Variants in CDK5RAP2 observed in about 807,000 individuals in gnomAD.
CDK5RAP2 encodes the protein CDK5 regulatory subunit associated protein 2, also known as CDK5 regulatory subunit-associated protein 2.
Under a neutral mutation model 232.9 loss-of-function variants are expected in CDK5RAP2, and 147 were observed. The observed-to-expected ratio is 0.63, with a 90% CI of 0.55 to 0.72. The LOEUF is 0.72. Among genes scored for constraint, CDK5RAP2 ranks in the 30% least tolerant of loss-of-function variants. The pLI is 0.00. For missense variants in CDK5RAP2, 2,195 were observed against 2,231.5 expected, an observed-to-expected ratio of 0.98 and a Z score of 0.33; for synonymous variants, 833 against 833.7, an observed-to-expected ratio of 1.00 and a Z score of 0.01.
intron 35 of CDK5RAP2, among the ~76,000 whole-genome samples, chr9:120,397,091 G>C (rs2032532609): frequency 6.6e-6 from 1 of 152,252 alleles, no homozygotes; most frequent in Admixed American, 6.5e-5. Flanking sequence ...GGGCCACAGA[G>C]CTGCAGTGCT....
chr9:120,470,253 G>T (rs199940917), intron 16 of CDK5RAP2, 33 bp from the exon 17 acceptor site: 7 of 1,056,436 alleles, frequency 6.6e-6, no homozygotes, highest in South Asian at 5.8e-5. Context: ...AGGTGGGGAG[G>T]GGGAGGAGAA....
chr9:120,421,834 G>A (rs944352953), intron 26 of CDK5RAP2, among the ~76,000 whole-genome samples: 2 of 152,238 alleles, frequency 1.3e-5, no homozygotes, highest in African/African-American at 2.4e-5. Flanking sequence ...AACAGGAAGA[G>A]GACATGCATT....
intron 17 of CDK5RAP2, among the ~76,000 whole-genome samples, chr9:120,469,618 G>T (rs1160731955): frequency 6.6e-6 from 1 of 152,130 alleles, no homozygotes; most frequent in Admixed American, 6.5e-5. Flanking sequence ...TTTAAAAAAA[G>T]ATTTATTGAT....
intron 12 of CDK5RAP2, among the ~76,000 whole-genome samples, chr9:120,512,111 G>A (rs2040121298): frequency 6.6e-6 from 1 of 152,170 alleles, no homozygotes; most frequent in Non-Finnish European, 1.5e-5. Context: ...CACTTTGGGA[G>A]GCCAAGGTAG....
intron 1 of CDK5RAP2, among the ~76,000 whole-genome samples, chr9:120,575,922 C>A (rs2043016271): frequency 6.6e-6 from 1 of 152,146 alleles, no homozygotes; most frequent in East Asian, 1.9e-4. Context: ...ATAGATATGC[C>A]TCAAAGTTTT....
At chr9:120,431,080 G>A (rs1290993178) in intron 25 of CDK5RAP2, among the ~76,000 whole-genome samples, 2 of 152,172 alleles carry the variant, frequency 1.3e-5, no homozygotes, top group Admixed American at 1.3e-4. Flanking sequence ...CGTGGACACA[G>A]GAAAGGGAAC....
chr9:120,494,815 AG>A (rs2039085797), intron 12 of CDK5RAP2, among the ~76,000 whole-genome samples: 1 of 147,830 alleles, frequency 6.8e-6, no homozygotes, highest in Non-Finnish European at 1.5e-5. Context: ...TCGGTGGCTT[AG>A]GGAGCCCGTC....
At chr9:120,478,888 G>A (rs559800081) in intron 14 of CDK5RAP2, among the ~76,000 whole-genome samples, 2 of 152,248 alleles carry the variant, frequency 1.3e-5, no homozygotes, top group East Asian at 3.9e-4. Flanking sequence ...TGAGATGATC[G>A]ATATGCCAAT....
chr9:120,465,928 T>C (rs1326494262), intron 18 of CDK5RAP2, among the ~76,000 whole-genome samples: 1 of 152,198 alleles, frequency 6.6e-6, no homozygotes, highest in African/African-American at 2.4e-5. Flanking sequence ...TGCATCCACA[T>C]GTTCATACAC....
chr9:120,539,621 G>A (rs761842823), intron 5 of CDK5RAP2, among the ~76,000 whole-genome samples: 1 of 152,074 alleles, frequency 6.6e-6, no homozygotes, highest in Admixed American at 6.5e-5. Context: ...TGTATCTGAC[G>A]ATACTCAAAG....
rs141534162 is a variant in CDK5RAP2 at position 120,389,764 on chromosome 9, G to A, written c.5602C>T (p.Arg1868Trp). The change falls in exon 37 of 38, where the codon CGG becomes TGG. Residue 1868 changes from arginine (R) to tryptophan (W), a missense_variant. Physicochemically the swap from Arg to Trp is moderately radical, Grantham distance 101. Transcript: ENST00000349780. ...DQLVVTHKILRKARGNLELRP... is the reference protein window; with the variant it reads ...DQLVVTHKILWKARGNLELRP... ...ACCTCCAGGTTTCCTCTGGCCTTCCGAAGGATTTTGTGGGTTACGACCACT... is the reference window on the plus strand; with the variant it reads ...ACCTCCAGGTTTCCTCTGGCCTTCCAAAGGATTTTGTGGGTTACGACCACT... 7.7e-5 allele frequency: 125 copies of A among 1,614,004 alleles called. No homozygotes were observed. The highest frequency in any genetic ancestry group is 9.8e-5 in the Non-Finnish European group (116 of 1,179,986).
At chr9:120,504,657 T>A (rs1564309558) in intron 12 of CDK5RAP2, among the ~76,000 whole-genome samples, 1 of 152,180 alleles carries the variant, frequency 6.6e-6, no homozygotes. Flanking sequence ...CTTCATTGAC[T>A]CCAAGTTAAC....
chr9:120,399,087 A>T (rs2032762389), intron 35 of CDK5RAP2, among the ~76,000 whole-genome samples: 1 of 152,204 alleles, frequency 6.6e-6, no homozygotes, highest in Non-Finnish European at 1.5e-5. Context: ...ATGACATCAG[A>T]GTGAGCATAA....
In CDK5RAP2 at chr9:120,430,925, G is replaced by T. The variant is rs1014098626; in HGVS notation, c.3955+6370C>A. 6.3e-3 allele frequency among the ~76,000 whole-genome samples: 955 copies of T among 152,138 alleles called. 2 individuals carry two copies. The highest frequency in any genetic ancestry group is 0.012 in the South Asian group (60 of 4,816). ...GGCACATATACACCATGGAATACTAGGCAGCCATAAAAAATGATGAGTTCA... is the reference window on the plus strand; with the variant it reads ...GGCACATATACACCATGGAATACTATGCAGCCATAAAAAATGATGAGTTCA... On this transcript the variant is annotated intron_variant, in intron 25 of 37. Coordinates refer to ENST00000349780, the MANE Select transcript of CDK5RAP2 (RefSeq NM_018249.6).
At chr9:120,416,162 C>G (rs2034205367) in intron 27 of CDK5RAP2, among the ~76,000 whole-genome samples, 1 of 152,192 alleles carries the variant, frequency 6.6e-6, no homozygotes, top group Admixed American at 6.5e-5. Context: ...CGGGCGTCCT[C>G]TAATTCAGTT....
At chr9:120,490,267 G>A (rs2038832913) in intron 13 of CDK5RAP2, among the ~76,000 whole-genome samples, 1 of 152,200 alleles carries the variant, frequency 6.6e-6, no homozygotes, top group African/African-American at 2.4e-5. Flanking sequence ...TTTTGCTGGA[G>A]GACCCCCAAT....
Position 120,545,714 on chromosome 9 carries a change from G to C in CDK5RAP2, c.383C>G (p.Ser128Cys), listed in dbSNP as rs758009123. The change falls in exon 5 of 38, where the codon TCC becomes TGC. Residue 128 changes from serine to cysteine, a missense_variant and splice_region_variant. By Grantham distance (112) the Ser-to-Cys change is moderately radical. Coordinates refer to ENST00000349780, the MANE Select transcript of CDK5RAP2 (RefSeq NM_018249.6). ...GCTTTCAACGGATGATGGTACTCACGAGGCTTTGATGAGCAGCTGCTCTCT... is the reference window on the plus strand; with the variant it reads ...GCTTTCAACGGATGATGGTACTCACCAGGCTTTGATGAGCAGCTGCTCTCT... ...QEREQLLIKASKAVESLAEAG... is the reference protein window; with the variant it reads ...QEREQLLIKACKAVESLAEAG... 33 of 1,612,524 alleles carry C rather than the reference G, an allele frequency of 2.0e-5. No homozygotes were observed. The highest frequency in any genetic ancestry group is 1.8e-4 in the East Asian group (8 of 44,882).
chr9:120,491,338 T>A lies in CDK5RAP2; in HGVS notation c.1451A>T (p.Glu484Val). The A allele has an allele frequency of 6.2e-7, 1 of 1,613,734 alleles. No homozygotes were observed. Among genetic ancestry groups the A allele is most frequent in the Non-Finnish European group, 8.5e-7 (1 of 1,179,800 alleles). Residue 484 changes from glutamate to valine, a missense_variant, in exon 13 of 38, where the codon GAA becomes GTA. Transcript: ENST00000349780. Reference sequence around the variant, plus strand: ...CAACACGTCCTTCTGATTGGTACTTTCTGTTAGATGTTTGATCACTTGCTC... The same window carrying A: ...CAACACGTCCTTCTGATTGGTACTTACTGTTAGATGTTTGATCACTTGCTC... Reference protein sequence around the residue: ...NQEQVIKHLTESTNQKDVLLQ... With the variant: ...NQEQVIKHLTVSTNQKDVLLQ...
chr9:120,528,848 T>C, intron 8 of CDK5RAP2, 51 bp from the exon 9 acceptor site: 1 of 1,279,050 alleles, frequency 7.8e-7, no homozygotes, highest in Non-Finnish European at 1.1e-6. Context: ...ATCCAACAGC[T>C]TCTCCAGAAC....
Sources: allele counts gnomAD v4.1 joint callset (sites outside exome capture counted in the v4.1 genomes callset), GRCh38; gene constraint gnomAD v4.1.1; transcripts MANE v1.5; gene names NCBI Gene and HGNC (gene_info 2026-07-23, HGNC 2026-07-21).